Variants in RELN observed in about 807,000 individuals in gnomAD.
RELN encodes reelin.
Under a neutral mutation model 427.6 loss-of-function variants are expected in RELN, and 108 were observed. The ratio of observed to expected loss-of-function variants is 0.25; its 90% CI spans 0.22 to 0.30. The LOEUF (loss-of-function observed/expected upper bound fraction) is 0.30. RELN is among the 10% of genes least tolerant of loss of function. The pLI, the probability that RELN is intolerant of heterozygous loss-of-function variation, is 1.00. For synonymous variants in RELN, 1,524 were observed against 1,513.4 expected (o/e 1.01, Z -0.16); for missense variants, 3,715 against 4,302.8 (o/e 0.86, Z 3.82).
chr7:103,550,919 A>G (rs888818652), intron 41 of RELN, 148 bp downstream of exon 41: 10 of 738,012 alleles, frequency 1.4e-5, no homozygotes, highest in African/African-American at 8.6e-5. Context: ...TCCGTGTCCT[A>G]CATTTTAAAT....
intron 47 of RELN, 130 bp from the exon 48 acceptor site, chr7:103,522,329 G>T (rs892480526): frequency 2.3e-6 from 2 of 856,740 alleles, no homozygotes; most frequent in Admixed American, 2.0e-5. Flanking sequence ...CAGAGAGCTT[G>T]CCAGAATACA....
At chr7:103,829,174 G>A (rs1793214944) in intron 3 of RELN, among the ~76,000 whole-genome samples, 1 of 151,954 alleles carries the variant, frequency 6.6e-6, no homozygotes, top group African/African-American at 2.4e-5. Context: ...CTGGCACATT[G>A]TAAATTTTCA....
At chr7:103,903,274 G>GTTTT (rs200223959) in intron 2 of RELN, among the ~76,000 whole-genome samples, 4 of 142,844 alleles carry the variant, frequency 2.8e-5, no homozygotes, top group African/African-American at 1.0e-4. Context: ...ATTCCTAAGT[G>GTTTT]TTTTTTTTTT....
At chr7:103,860,854 A>G (rs1794056602) in intron 2 of RELN, among the ~76,000 whole-genome samples, 1 of 152,232 alleles carries the variant, frequency 6.6e-6, no homozygotes, top group Non-Finnish European at 1.5e-5. Context: ...AGTAATCAAC[A>G]TAACTTTGCT....
At chr7:103,652,215 C>A (rs1335926547) in intron 14 of RELN, among the ~76,000 whole-genome samples, 1 of 150,858 alleles carries the variant, frequency 6.6e-6, no homozygotes, top group Non-Finnish European at 1.5e-5. Context: ...ATTAGCAGGT[C>A]ACCAGCCGAC....
intron 51 of RELN, 44 bp from the exon 52 acceptor site, chr7:103,503,274 T>C (rs1247962977): frequency 6.4e-7 from 1 of 1,567,432 alleles, no homozygotes; most frequent in African/African-American, 1.3e-5. Context: ...AACTATATGA[T>C]ATGATTCTTC....
chr7:103,914,447 G>A (rs558809262), intron 2 of RELN, among the ~76,000 whole-genome samples: 91 of 152,122 alleles, frequency 6.0e-4, no homozygotes, highest in African/African-American at 2.0e-3. Context: ...TTACATTTCA[G>A]AACTGGTTTT....
intron 2 of RELN, among the ~76,000 whole-genome samples, chr7:103,858,440 T>C (rs750897420): frequency 6.6e-6 from 1 of 152,144 alleles, no homozygotes; most frequent in Non-Finnish European, 1.5e-5. Context: ...AAATATAATA[T>C]TATAAAATTT....
intron 2 of RELN, among the ~76,000 whole-genome samples, chr7:103,838,388 G>T (rs943302982): frequency 1.3e-5 from 2 of 151,954 alleles, no homozygotes; most frequent in Non-Finnish European, 2.9e-5. Flanking sequence ...GTCATAACTG[G>T]TCTAAAATAT....
At chr7:103,896,679 G>T (rs991738042) in intron 2 of RELN, among the ~76,000 whole-genome samples, 7 of 152,106 alleles carry the variant, frequency 4.6e-5, no homozygotes, top group South Asian at 2.1e-4. Context: ...GGTTACACAG[G>T]CGTGTACATT....
intron 10 of RELN, among the ~76,000 whole-genome samples, chr7:103,693,167 T>A (rs1012169323): frequency 1.3e-5 from 2 of 152,000 alleles, no homozygotes; most frequent in African/African-American, 2.4e-5. Context: ...TGCAGCCATA[T>A]GGAAGGATGA....
intron 4 of RELN, among the ~76,000 whole-genome samples, chr7:103,775,676 C>T (rs948599637): frequency 6.6e-6 from 1 of 152,106 alleles, no homozygotes; most frequent in African/African-American, 2.4e-5. Flanking sequence ...AATGGCATGA[C>T]ATTTACAAAG....
At position 103,653,278 on chromosome 7, in the gene RELN, C is replaced by G. The variant is rs1166071146; in HGVS notation, c.1555-519G>C. On this transcript the variant is annotated intron_variant, in intron 13 of 64. Coordinates refer to ENST00000428762, the MANE Select transcript of RELN (RefSeq NM_005045.4). ...ATGACCACGGCAGGTATAGTTCTAC[C>G]TTGCCACTGCTGGAAATATCGTCTT... Among the ~76,000 whole-genome samples, 4 of 152,184 alleles carry G rather than the reference C, an allele frequency of 2.6e-5. No individual in the cohort carries two copies. In the East Asian group the frequency reaches 7.7e-4, roughly 29 times the overall value.
intron 2 of RELN, among the ~76,000 whole-genome samples, chr7:103,875,997 G>A (rs1794468400): frequency 6.6e-6 from 1 of 152,006 alleles, no homozygotes; most frequent in Non-Finnish European, 1.5e-5. Context: ...CATTCTTGAG[G>A]AAGCATTCTA....
chr7:103,731,106 A>G (rs1225192403), intron 6 of RELN, among the ~76,000 whole-genome samples: 2 of 152,138 alleles, frequency 1.3e-5, no homozygotes, highest in Non-Finnish European at 1.5e-5. Flanking sequence ...ACTGCATTCT[A>G]TCATTGCTCT....
chr7:103,685,723 A>G (rs1833752613), intron 10 of RELN, among the ~76,000 whole-genome samples: 1 of 152,120 alleles, frequency 6.6e-6, no homozygotes, highest in South Asian at 2.1e-4. Flanking sequence ...TCCCTTAAGT[A>G]TGGCTCTTAT....
intron 58 of RELN, 93 bp downstream of exon 58, chr7:103,491,848 TCTCTCTCTCACA>T (rs1461223816): frequency 2.4e-5 from 14 of 582,048 alleles, no homozygotes; most frequent in African/African-American, 1.5e-4. Flanking sequence ...TCTCTCTCTC[TCTCTCTCTCACA>T]CACACACACA....
chr7:103,720,595 T>A (rs1042057426), intron 8 of RELN, among the ~76,000 whole-genome samples: 1 of 152,210 alleles, frequency 6.6e-6, no homozygotes, highest in Non-Finnish European at 1.5e-5. Context: ...CAAGGAAATG[T>A]AAATGTTGAA....
chr7:103,737,535 C>T (rs933413107), intron 6 of RELN, among the ~76,000 whole-genome samples: 2 of 152,116 alleles, frequency 1.3e-5, no homozygotes, highest in Non-Finnish European at 2.9e-5. Flanking sequence ...GACTTCTTTT[C>T]GTTTGTGGGC....
Sources: gnomAD v4.1 joint callset for allele counts (sites outside exome capture counted in the v4.1 genomes callset) on GRCh38, gnomAD v4.1.1 for gene constraint, MANE v1.5 for transcripts, NCBI Gene and HGNC (gene_info 2026-07-23, HGNC 2026-07-21) for gene names.